Variants in MDGA2 observed in about 807,000 individuals in gnomAD.
MDGA2 encodes the protein MAM domain containing glycosylphosphatidylinositol anchor 2, also known as MAM domain-containing glycosylphosphatidylinositol anchor protein 2.
A neutral mutation model predicts 117.8 loss-of-function variants in MDGA2; 40 were observed. The observed-to-expected ratio is 0.34, with a 90% confidence interval of 0.26 to 0.44. The LOEUF is 0.44. Among genes scored for constraint, MDGA2 ranks in the 20% least tolerant of loss-of-function variants. MDGA2 has a pLI of 1.00. For synonymous variants in MDGA2, 452 were observed against 439.0 expected, an observed-to-expected ratio of 1.03 and a Z score of -0.37; for missense variants, 1,123 against 1,250.6, an observed-to-expected ratio of 0.90 and a Z score of 1.54.
intron 9 of MDGA2, among the ~76,000 whole-genome samples, chr14:46,939,242 T>G (rs894433396): frequency 2.0e-5 from 3 of 152,144 alleles, no homozygotes; most frequent in African/African-American, 7.2e-5. Context: ...ATATATTTTC[T>G]AGTAGCTAGT....
At chr14:46,856,274 A>G (rs1881265068) in intron 14 of MDGA2, among the ~76,000 whole-genome samples, 1 of 152,124 alleles carries the variant, frequency 6.6e-6, no homozygotes, top group African/African-American at 2.4e-5. Flanking sequence ...ATTGAGGCAA[A>G]ATTTACATGC....
chr14:47,633,794 G>T (rs1402455982), intron 1 of MDGA2, among the ~76,000 whole-genome samples: 1 of 152,078 alleles, frequency 6.6e-6, no homozygotes, highest in Non-Finnish European at 1.5e-5. Flanking sequence ...CATTTACCCT[G>T]GGTCTAATTC....
At chr14:47,283,702 G>A (rs1473167717) in intron 2 of MDGA2, among the ~76,000 whole-genome samples, 1 of 152,068 alleles carries the variant, frequency 6.6e-6, no homozygotes, top group African/African-American at 2.4e-5. Flanking sequence ...TTTTGTTTTT[G>A]CTTTGTCTTT....
At chr14:47,200,682 A>G (rs1885469407) in intron 3 of MDGA2, 2 of 1,042,818 alleles carry the variant, frequency 1.9e-6, no homozygotes, top group African/African-American at 1.6e-5. Flanking sequence ...TTCTTCTTCC[A>G]GTACTGGATC....
At position 47,466,417 on chromosome 14, in the gene MDGA2, G is replaced by A. The variant is rs551103884; in HGVS notation, c.281-164867C>T. Among the ~76,000 whole-genome samples, 18 of 152,174 alleles carry A rather than the reference G, an allele frequency of 1.2e-4. No homozygotes were observed. The South Asian group carries it at 2.1e-3, about 18-fold the overall frequency. On this transcript the variant is annotated intron_variant, in intron 1 of 16. Coordinates refer to ENST00000399232, the MANE Select transcript of MDGA2 (RefSeq NM_001113498.3). ...CCTTATTTGGGTCTATGTGAAAACC[G>A]AATTGACAGATGGAGAGAGATAAAA... is the stretch of plus-strand genomic sequence containing the variant.
intron 1 of MDGA2, among the ~76,000 whole-genome samples, chr14:47,485,735 G>A (rs972703838): frequency 6.6e-6 from 1 of 152,210 alleles, no homozygotes; most frequent in Admixed American, 6.5e-5. Context: ...GCGGCTGAAA[G>A]GGGACAATGC....
intron 4 of MDGA2, among the ~76,000 whole-genome samples, chr14:47,140,836 G>A (rs1174996820): frequency 6.6e-6 from 1 of 151,982 alleles, no homozygotes; most frequent in Non-Finnish European, 1.5e-5. Context: ...TTGGGCATAG[G>A]AATGGAAACA....
chr14:47,377,594 C>T (rs867938111), intron 1 of MDGA2, among the ~76,000 whole-genome samples: 2 of 152,118 alleles, frequency 1.3e-5, no homozygotes, highest in African/African-American at 2.4e-5. Flanking sequence ...GGGTCCCATG[C>T]CCACGGAGCC....
At chr14:47,494,777 G>A (rs1225016278) in intron 1 of MDGA2, among the ~76,000 whole-genome samples, 1 of 151,622 alleles carries the variant, frequency 6.6e-6, no homozygotes, top group East Asian at 1.9e-4. Context: ...TTATTGAATA[G>A]GGTGTCTTTC....
intron 1 of MDGA2, among the ~76,000 whole-genome samples, chr14:47,317,870 C>G (rs543518981): frequency 1.3e-5 from 2 of 152,204 alleles, no homozygotes; most frequent in South Asian, 4.1e-4. Context: ...GTCTACTTGA[C>G]AGTTTCTCTT....
rs541802673 is a variant in MDGA2, at chr14:47,627,199, T to G, written c.280+47318A>C. 2.2e-4 allele frequency among the ~76,000 whole-genome samples: 33 copies of G among 152,190 alleles called. No homozygotes were observed. In the South Asian group the frequency reaches 3.5e-3, roughly 16 times the overall value. On this transcript the variant is annotated intron_variant, in intron 1 of 16. Coordinates refer to ENST00000399232, the MANE Select transcript of MDGA2 (RefSeq NM_001113498.3). ...TGTAAACACACCAATCAGCACCCCG[T>G]GCCTAGCTCAGGGTTTGTGAATGCA...
Position 47,674,968 on chromosome 14 carries a change from G to A in MDGA2, c.-172C>T, listed in dbSNP as rs1295490795. On this transcript the variant is annotated 5_prime_UTR_variant, in exon 1 of 17. Coordinates refer to ENST00000399232, the MANE Select transcript of MDGA2 (RefSeq NM_001113498.3). ...GCGAGGCGAAGTGTTCTTCAGGGAA[G>A]CGGGCTCGAGTCTCCGCAGCTGCGG... 1.2e-5 allele frequency: 5 copies of A among 409,852 alleles called. No homozygotes were observed. Among genetic ancestry groups the A allele is most frequent in the Non-Finnish European group, 2.1e-5 (5 of 234,002 alleles). 25.4% of individuals were successfully genotyped at this position (409,852 alleles called of 1,614,324 possible).
At chr14:47,613,429 T>C (rs1896888090) in intron 1 of MDGA2, among the ~76,000 whole-genome samples, 1 of 151,862 alleles carries the variant, frequency 6.6e-6, no homozygotes, top group South Asian at 2.1e-4. Flanking sequence ...GTTCTGAATC[T>C]ACTATTTGCA....
chr14:47,641,594 G>C, intron 1 of MDGA2, among the ~76,000 whole-genome samples: 1 of 152,098 alleles, frequency 6.6e-6, no homozygotes, highest in Non-Finnish European at 1.5e-5. Context: ...CAAAAGTCCA[G>C]ACGAGAGCCA....
At chr14:47,242,637 A>T (rs8018768) in intron 2 of MDGA2, among the ~76,000 whole-genome samples, 32 of 151,574 alleles carry the variant, frequency 2.1e-4, no homozygotes, top group African/African-American at 6.5e-4. Flanking sequence ...CTGGCCCACC[A>T]GCGCTGCGCT....
intron 7 of MDGA2, chr14:47,059,236 C>A (rs1889792734): frequency 4.0e-6 from 4 of 995,098 alleles, no homozygotes; most frequent in Non-Finnish European, 5.5e-6. Flanking sequence ...GAGATTATAG[C>A]AATGAGTGAT....
chr14:47,163,576 C>T (rs1883732450), intron 3 of MDGA2, among the ~76,000 whole-genome samples: 1 of 152,150 alleles, frequency 6.6e-6, no homozygotes, highest in African/African-American at 2.4e-5. Flanking sequence ...TACCATGATC[C>T]TGAGGCCGCC....
At chr14:46,992,683 G>A (rs1887137609) in intron 8 of MDGA2, among the ~76,000 whole-genome samples, 1 of 152,112 alleles carries the variant, frequency 6.6e-6, no homozygotes. Context: ...AGAGACCGGA[G>A]TTCTCCAGTA....
intron 3 of MDGA2, among the ~76,000 whole-genome samples, chr14:47,197,199 T>C (rs919327925): frequency 6.6e-6 from 1 of 152,200 alleles, no homozygotes; most frequent in African/African-American, 2.4e-5. Flanking sequence ...ATTGACTGAA[T>C]GTTTATGTTC....
Sources: allele counts gnomAD v4.1 joint callset (sites outside exome capture counted in the v4.1 genomes callset), GRCh38; gene constraint gnomAD v4.1.1; transcripts MANE v1.5; gene names NCBI Gene and HGNC (gene_info 2026-07-23, HGNC 2026-07-21).